The following CADM2 variants were observed in gnomAD, a reference collection of about 807,000 sequenced individuals.
CADM2 encodes immunoglobulin superfamily member 4D.
A neutral mutation model predicts 49.8 loss-of-function variants in CADM2; 12 were observed. The ratio of observed to expected loss-of-function variants is 0.24; its 90% CI spans 0.15 to 0.39. The LOEUF is 0.39. Ranked by LOEUF, CADM2 falls within the 10% of genes least tolerant of loss-of-function variation. The pLI, the probability that CADM2 is intolerant of heterozygous loss-of-function variation, is 1.00. For missense variants in CADM2, 378 were observed against 492.3 expected (o/e 0.77, Z 2.20); for synonymous variants, 214 against 175.4 (o/e 1.22, Z -1.74).
intron 1 of CADM2, among the ~76,000 whole-genome samples, chr3:85,344,380 A>AAATAAAT (rs2030326652): frequency 7.1e-6 from 1 of 140,340 alleles, no homozygotes; most frequent in Non-Finnish European, 1.5e-5. Context: ...ACACCATCTC[A>AAATAAAT]AAATAAATAA....
At chr3:85,631,102 T>A (rs967178976) in intron 1 of CADM2, among the ~76,000 whole-genome samples, 1 of 152,080 alleles carries the variant, frequency 6.6e-6, no homozygotes, top group Non-Finnish European at 1.5e-5. Flanking sequence ...TGGGGACTTT[T>A]GTTTTCCCTG....
chr3:85,546,937 GA>G (rs2061680805), intron 1 of CADM2, among the ~76,000 whole-genome samples: 1 of 152,070 alleles, frequency 6.6e-6, no homozygotes, highest in Non-Finnish European at 1.5e-5. Context: ...TTTTATATTT[GA>G]AGTTGTCTAC....
At chr3:86,007,007 T>C (rs936366802) in intron 8 of CADM2, among the ~76,000 whole-genome samples, 2 of 151,980 alleles carry the variant, frequency 1.3e-5, no homozygotes, top group African/African-American at 4.8e-5. Flanking sequence ...GCCATTGCAC[T>C]CCAGCCTGGG....
chr3:85,210,867 C>T (rs2041761794), intron 1 of CADM2, among the ~76,000 whole-genome samples: 1 of 152,152 alleles, frequency 6.6e-6, no homozygotes, highest in Non-Finnish European at 1.5e-5. Context: ...ATTGATGTTA[C>T]TTCATTAAAT....
chr3:85,699,381 C>G (rs944487489), intron 1 of CADM2, among the ~76,000 whole-genome samples: 1 of 152,196 alleles, frequency 6.6e-6, no homozygotes, highest in Admixed American at 6.5e-5. Context: ...CACATTTCCT[C>G]TCCACACTGC....
chr3:85,124,058 G>A (rs77096999), intron 1 of CADM2, among the ~76,000 whole-genome samples: 4,575 of 152,248 alleles, frequency 0.03, 96 homozygotes, highest in South Asian at 0.044. Flanking sequence ...GTTTGCAAAT[G>A]CTTTTCTCTG....
At chr3:85,898,367 G>T (rs764770405) in intron 5 of CADM2, among the ~76,000 whole-genome samples, 1 of 151,982 alleles carries the variant, frequency 6.6e-6, no homozygotes. Flanking sequence ...CTGTAGTAGT[G>T]AAACCATCAC....
rs576497951 is a variant in CADM2 at position 85,344,372 on chromosome 3, A to T, written c.62-382150A>T. On this transcript the variant is annotated intron_variant, in intron 1 of 9. Coordinates refer to ENST00000383699, the MANE Select transcript of CADM2 (RefSeq NM_001167675.2). ...CTCCAGCCCAGCGACAGAGTGAGAC[A>T]CCATCTCAAAATAAATAAATAAATA... is the stretch of plus-strand genomic sequence containing the variant. Among the ~76,000 whole-genome samples the T allele has an allele frequency of 3.9e-4, 55 of 141,090 alleles. No homozygotes were observed. In the South Asian group the frequency reaches 5.7e-3, roughly 15 times the overall value. The allele number at this position is 141,090 out of a possible 152,430, so 92.6% of individuals were successfully genotyped here.
At chr3:86,032,767 G>A (rs1347976300) in intron 8 of CADM2, among the ~76,000 whole-genome samples, 3 of 151,752 alleles carry the variant, frequency 2.0e-5, no homozygotes, top group Non-Finnish European at 4.4e-5. Flanking sequence ...TCTAACTGAG[G>A]AATTAAACCT....
intron 1 of CADM2, among the ~76,000 whole-genome samples, chr3:85,292,304 C>G (rs1206435492): frequency 1.3e-5 from 2 of 150,216 alleles, no homozygotes; most frequent in Non-Finnish European, 2.9e-5. Flanking sequence ...CCTGAGTGAC[C>G]TACAAAGAGA....
intron 1 of CADM2, among the ~76,000 whole-genome samples, chr3:85,341,334 A>G (rs2107193637): frequency 6.6e-6 from 1 of 152,062 alleles, no homozygotes; most frequent in African/African-American, 2.4e-5. Context: ...CTTGATAAGT[A>G]TAAAAATTCA....
At chr3:85,787,286 G>T (rs547597344) in intron 2 of CADM2, among the ~76,000 whole-genome samples, 11 of 152,028 alleles carry the variant, frequency 7.2e-5, no homozygotes, top group African/African-American at 2.7e-4. Flanking sequence ...CATTTAATAG[G>T]AAGTATTTTG....
chr3:84,959,832 C>T (rs2107025613), intron 1 of CADM2, among the ~76,000 whole-genome samples, 164 bp downstream of exon 1: 1 of 152,108 alleles, frequency 6.6e-6, no homozygotes, highest in Non-Finnish European at 1.5e-5. Flanking sequence ...CAGTTTGCAC[C>T]AGCCCCTCGA....
At chr3:85,504,864 C>T (rs1431369433) in intron 1 of CADM2, among the ~76,000 whole-genome samples, 1 of 152,178 alleles carries the variant, frequency 6.6e-6, no homozygotes, top group East Asian at 1.9e-4. Flanking sequence ...AGCGCAGCGC[C>T]GGTGGGCCGG....
At chr3:85,399,324 C>T (rs1329394410) in intron 1 of CADM2, among the ~76,000 whole-genome samples, 3 of 152,068 alleles carry the variant, frequency 2.0e-5, no homozygotes, top group African/African-American at 7.2e-5. Flanking sequence ...TTTCTGAGGG[C>T]TCTGTTCTGT....
intron 1 of CADM2, among the ~76,000 whole-genome samples, chr3:85,701,629 G>C (rs1360306889): frequency 6.6e-6 from 1 of 152,070 alleles, no homozygotes; most frequent in East Asian, 1.9e-4. Context: ...TACACATATA[G>C]CATTCCCTTT....
At chr3:85,384,671 ATGTG>A (rs372405205) in intron 1 of CADM2, among the ~76,000 whole-genome samples, 11,320 of 148,612 alleles carry the variant, frequency 0.076, 500 homozygotes, top group South Asian at 0.14. Flanking sequence ...GTCAAAAAAA[ATGTG>A]TGTGTGTGTG....
intron 1 of CADM2, among the ~76,000 whole-genome samples, chr3:85,457,277 G>A (rs2038035778): frequency 6.6e-6 from 1 of 152,072 alleles, no homozygotes; most frequent in Middle Eastern, 3.4e-3. Context: ...GCCAGGTGTG[G>A]TGACACAGGC....
chr3:85,322,299 A>C (rs905864426), intron 1 of CADM2, among the ~76,000 whole-genome samples: 1 of 152,170 alleles, frequency 6.6e-6, no homozygotes, highest in Non-Finnish European at 1.5e-5. Context: ...TATTTTCCTC[A>C]AGATGTCATT....
Sources: allele counts gnomAD v4.1 joint callset (sites outside exome capture counted in the v4.1 genomes callset), GRCh38; gene constraint gnomAD v4.1.1; transcripts MANE v1.5; gene names NCBI Gene and HGNC (gene_info 2026-07-23, HGNC 2026-07-21).